PACRGL: variants seen among roughly 807,000 people sequenced by gnomAD.
PACRGL encodes the protein parkin coregulated like.
Under a neutral mutation model 34.5 loss-of-function variants are expected in PACRGL, and 38 were observed. The observed-to-expected ratio is 1.10, with a 90% CI of 0.85 to 1.44. The LOEUF (loss-of-function observed/expected upper bound fraction) is 1.44. Among genes scored for constraint, PACRGL ranks in the 40% most tolerant of loss-of-function variants. The pLI is 0.00. For synonymous variants in PACRGL, 128 were observed against 100.1 expected (o/e 1.28, Z -1.66); for missense variants, 305 against 281.4 (o/e 1.08, Z -0.60).
At chr4:20,698,202 A>G (rs536917190), upstream of PACRGL, among the ~76,000 whole-genome samples, 1 of 152,300 alleles carries the variant, frequency 6.6e-6, no homozygotes, top group East Asian at 1.9e-4. Flanking sequence ...AAATAACAGG[A>G]CAAAGGGAAG....
At chr4:20,744,970 G>A (rs957218838) in intron 8 of PACRGL, among the ~76,000 whole-genome samples, 5 of 152,002 alleles carry the variant, frequency 3.3e-5, no homozygotes, top group African/African-American at 4.8e-5. Flanking sequence ...CCCTTTGGCC[G>A]GACAACTGGA....
At chr4:20,701,084 A>G (rs1269032047) in intron 1 of PACRGL, among the ~76,000 whole-genome samples, 1 of 152,152 alleles carries the variant, frequency 6.6e-6, no homozygotes, top group Non-Finnish European at 1.5e-5. Flanking sequence ...CAAATGGAAC[A>G]TGGTTTCTTT....
At chr4:20,733,693 A>G (rs552790738), downstream of PACRGL, among the ~76,000 whole-genome samples, 205 of 152,314 alleles carry the variant, frequency 1.3e-3, 1 homozygote, top group African/African-American at 4.5e-3. Context: ...TCTGGGTAAT[A>G]AATATTCATG....
Position 20,730,059 on chromosome 4 carries a change from G to T in PACRGL, c.*2718G>T. The T allele has an allele frequency of 6.2e-7, 1 of 1,601,386 alleles. No homozygotes were observed. ...GTAGAATAGTTCACATTTGTCTGTTGGATTCAGGATCTATTTGACAAGTTA... is the reference window on the plus strand; with the variant it reads ...GTAGAATAGTTCACATTTGTCTGTTTGATTCAGGATCTATTTGACAAGTTA... On this transcript the variant is annotated 3_prime_UTR_variant, in exon 9 of 9. Coordinates refer to ENST00000503585, the MANE Select transcript of PACRGL (RefSeq NM_001258345.3).
intron 8 of PACRGL, among the ~76,000 whole-genome samples, chr4:20,749,377 A>T (rs1447751351): frequency 6.6e-6 from 1 of 152,180 alleles, no homozygotes; most frequent in African/African-American, 2.4e-5. Context: ...AGGAGGTGTC[A>T]GTAACTGTTA....
intron 8 of PACRGL, among the ~76,000 whole-genome samples, chr4:20,749,907 AG>A (rs1458922991): frequency 6.6e-6 from 1 of 152,204 alleles, no homozygotes; most frequent in African/African-American, 2.4e-5. Flanking sequence ...TGAGATTCAC[AG>A]GAAGAAGCAA....
At chr4:20,713,610 A>C in intron 7 of PACRGL, 71 bp downstream of exon 7, 2 of 1,297,468 alleles carry the variant, frequency 1.5e-6, no homozygotes, top group Non-Finnish European at 2.2e-6. Flanking sequence ...TTCATGATTT[A>C]ACAATTTCAA....
intron 8 of PACRGL, among the ~76,000 whole-genome samples, chr4:20,742,996 C>A (rs879759894): frequency 1.4e-5 from 2 of 144,056 alleles, no homozygotes; most frequent in Non-Finnish European, 3.0e-5. Context: ...ACCTAGGAAT[C>A]CAACTTATAT....
downstream of PACRGL, among the ~76,000 whole-genome samples, chr4:20,755,930 G>T (rs1258991251): frequency 6.6e-6 from 1 of 152,016 alleles, no homozygotes; most frequent in Non-Finnish European, 1.5e-5. Context: ...GCAGAGAAGG[G>T]ACAAGAGACA....
In PACRGL at chr4:20,727,269, T is replaced by A. The variant is rs771131790; in HGVS notation, c.691-16T>A. 1 of 1,600,586 alleles carries A rather than the reference T, an allele frequency of 6.2e-7. No homozygotes were observed. Among genetic ancestry groups the A allele is most frequent in the Non-Finnish European group, 8.6e-7 (1 of 1,167,938 alleles). On this transcript the variant is annotated splice_polypyrimidine_tract_variant and intron_variant, in intron 8 of 8. Transcript: ENST00000503585. ...CTGCATGATACTAATGATGCTCAAT[T>A]TTTTTCTGTTGACAGGGGAGCCTTA...
At chr4:20,726,857 C>G (rs1016439182) in intron 8 of PACRGL, among the ~76,000 whole-genome samples, 2 of 152,110 alleles carry the variant, frequency 1.3e-5, no homozygotes, top group African/African-American at 2.4e-5. Flanking sequence ...AAATCCTGAT[C>G]TTTATTGATT....
intron 8 of PACRGL, among the ~76,000 whole-genome samples, chr4:20,745,558 T>C (rs1752239335): frequency 6.6e-6 from 1 of 152,208 alleles, no homozygotes; most frequent in South Asian, 2.1e-4. Context: ...CTTTGCACAA[T>C]TACTTTACTT....
intron 2 of PACRGL, 27 bp downstream of exon 2, chr4:20,704,560 G>A: frequency 6.2e-7 from 1 of 1,613,630 alleles, no homozygotes; most frequent in South Asian, 1.1e-5. Context: ...TTTAAGTGAA[G>A]AGGTCAAGTT....
downstream of PACRGL, among the ~76,000 whole-genome samples, chr4:20,734,249 C>G (rs954160635): frequency 2.0e-5 from 3 of 152,104 alleles, no homozygotes; most frequent in Non-Finnish European, 4.4e-5. Context: ...TTCCACAATC[C>G]CCATGATTGT....
In PACRGL at chr4:20,700,526, C is replaced by A. The variant is rs1249186648; in HGVS notation, c.-278C>A. ...TGGCCGACCGAGTGCCGGTCATAAG[C>A]CCCCCCCGGTGGGGGGCAGCTGGTG... On this transcript the variant is annotated 5_prime_UTR_variant, in exon 1 of 9. Coordinates refer to ENST00000503585, the MANE Select transcript of PACRGL (RefSeq NM_001258345.3). The A allele has an allele frequency of 6.7e-6, 1 of 149,334 alleles. No homozygotes were observed. The highest frequency in any genetic ancestry group is 2.0e-4 in the East Asian group (1 of 5,106). The allele number at this position is 149,334 out of a possible 1,614,324, so 9.3% of individuals were successfully genotyped here. A position where few individuals can be genotyped will look rare whatever the true frequency, so the allele number is the denominator to read the frequency against.
At position 20,727,522 on chromosome 4, in the gene PACRGL, G is replaced by A; in HGVS notation, c.*181G>A. 1 of 514,290 alleles carries A rather than the reference G, an allele frequency of 1.9e-6. No individual in the cohort carries two copies. Among genetic ancestry groups the A allele is most frequent in the Non-Finnish European group, 3.5e-6 (1 of 288,974 alleles). The allele number at this position is 514,290 out of a possible 1,614,324, so 31.9% of individuals were successfully genotyped here. Reference sequence around the variant, plus strand: ...AAAAAAGAACAGTTACTAATGGAAAGTTATTAAAATAAGTTCTATAAGAGT... The same window carrying A: ...AAAAAAGAACAGTTACTAATGGAAAATTATTAAAATAAGTTCTATAAGAGT... On this transcript the variant is annotated 3_prime_UTR_variant, in exon 9 of 9. Coordinates refer to ENST00000503585, the MANE Select transcript of PACRGL (RefSeq NM_001258345.3).
chr4:20,759,356 T>A, the PACRGL span, among the ~76,000 whole-genome samples: 1 of 152,166 alleles, frequency 6.6e-6, no homozygotes, highest in East Asian at 1.9e-4. Context: ...CAACCAGTAA[T>A]AGATACTAAT....
chr4:20,749,765 AG>A, intron 8 of PACRGL: 1 of 1,455,214 alleles, frequency 6.9e-7, no homozygotes, highest in Non-Finnish European at 9.6e-7. Context: ...TCATTAAGTC[AG>A]TGTTTCCATA....
In PACRGL at chr4:20,741,942, C is replaced by T. The variant is rs190526261; in HGVS notation, c.*57-10623C>T. Among the ~76,000 whole-genome samples, 48 of 152,268 alleles carry T rather than the reference C, an allele frequency of 3.2e-4. No individual in the cohort carries two copies. The East Asian group carries it at 8.3e-3, about 26-fold the overall frequency. On this transcript the variant is annotated intron_variant, in intron 8 of 8. Coordinates refer to the PACRGL transcript ENST00000507634. ...TACCATCAGAGAATACGATGAACAC[C>T]TCTATGCGAATAAACTAGAAAATCT...
Sources: gnomAD v4.1 joint callset for allele counts (sites outside exome capture counted in the v4.1 genomes callset) on GRCh38, gnomAD v4.1.1 for gene constraint, MANE v1.5 for transcripts, NCBI Gene and HGNC (gene_info 2026-07-23, HGNC 2026-07-21) for gene names.